Variants in WASF3 observed in about 807,000 individuals in gnomAD.
WASF3 encodes WASP family member 3.
A neutral mutation model predicts 46.6 loss-of-function variants in WASF3; 11 were observed. The observed-to-expected ratio is 0.24, with a 90% CI of 0.15 to 0.39. The LOEUF (loss-of-function observed/expected upper bound fraction) is 0.39. Ranked by LOEUF, WASF3 falls within the 10% of genes least tolerant of loss-of-function variation. WASF3 has a pLI of 1.00. For synonymous variants in WASF3, 242 were observed against 259.7 expected (o/e 0.93, Z 0.65); for missense variants, 576 against 669.8 (o/e 0.86, Z 1.55).
At chr13:26,623,037 C>T (rs1881355653) in intron 2 of WASF3, among the ~76,000 whole-genome samples, 1 of 152,162 alleles carries the variant, frequency 6.6e-6, no homozygotes, top group African/African-American at 2.4e-5. Flanking sequence ...TGAACTGTTT[C>T]ACATTTAGCA....
intron 3 of WASF3, among the ~76,000 whole-genome samples, chr13:26,650,864 A>G (rs1395804271): frequency 6.6e-6 from 1 of 152,208 alleles, no homozygotes; most frequent in Non-Finnish European, 1.5e-5. Context: ...AGCAACAACA[A>G]AATTTTAGAG....
At chr13:26,650,374 T>C (rs1020560403) in intron 3 of WASF3, among the ~76,000 whole-genome samples, 9 of 152,168 alleles carry the variant, frequency 5.9e-5, no homozygotes, top group Non-Finnish European at 1.5e-5. Flanking sequence ...TGGGATTCCT[T>C]TCACCTTGTT....
At chr13:26,650,116 A>G (rs919611322) in intron 3 of WASF3, among the ~76,000 whole-genome samples, 14 of 152,184 alleles carry the variant, frequency 9.2e-5, no homozygotes, top group African/African-American at 2.9e-4. Flanking sequence ...GCCTGCCCTC[A>G]AAAGAAATTA....
intron 2 of WASF3, chr13:26,638,277 A>G (rs1272079876): frequency 2.6e-5 from 4 of 152,248 alleles, no homozygotes; most frequent in Middle Eastern, 3.4e-3. Context: ...GCATAGTCCC[A>G]CCTCCAAATT....
chr13:26,597,761 C>T (rs545065337), intron 1 of WASF3, among the ~76,000 whole-genome samples: 1 of 152,188 alleles, frequency 6.6e-6, no homozygotes, highest in South Asian at 2.1e-4. Context: ...TGATAGTTTC[C>T]AGCTTCATCC....
At chr13:26,624,532 A>G (rs1002670002) in intron 2 of WASF3, among the ~76,000 whole-genome samples, 1 of 152,192 alleles carries the variant, frequency 6.6e-6, no homozygotes, top group Admixed American at 6.5e-5. Context: ...CTGTCCAGAA[A>G]AAAATACTAG....
At chr13:26,562,823 G>A (rs1176490427) in intron 1 of WASF3, among the ~76,000 whole-genome samples, 1 of 103,948 alleles carries the variant, frequency 9.6e-6, no homozygotes, top group African/African-American at 4.0e-5. Flanking sequence ...AGGGGCATCT[G>A]GTGTAGGCTG....
chr13:26,570,161 G>T (rs531746089), intron 1 of WASF3, among the ~76,000 whole-genome samples: 2 of 152,160 alleles, frequency 1.3e-5, no homozygotes, highest in South Asian at 4.2e-4. Flanking sequence ...CGTGGCAGGC[G>T]CCTGTAATTC....
At chr13:26,549,051 G>A in the WASF3 span, among the ~76,000 whole-genome samples, 34 of 150,058 alleles carry the variant, frequency 2.3e-4, 1 homozygote, top group Admixed American at 2.2e-3. Context: ...GCGTGATCTC[G>A]GCTCACTGCA....
chr13:26,551,918 A>T, the WASF3 span, among the ~76,000 whole-genome samples: 1 of 152,234 alleles, frequency 6.6e-6, no homozygotes, highest in Non-Finnish European at 1.5e-5. Context: ...GTGAAGACAC[A>T]GTGAAGGAAA....
At chr13:26,582,676 C>CAAAA (rs398022033) in intron 1 of WASF3, among the ~76,000 whole-genome samples, 1,198 of 53,208 alleles carry the variant, frequency 0.023, 200 homozygotes, top group Non-Finnish European at 0.03. Context: ...GACTCCGTCT[C>CAAAA]AAAAAAAAAA....
At chr13:26,564,009 C>A (rs1452714027) in intron 1 of WASF3, among the ~76,000 whole-genome samples, 1 of 152,220 alleles carries the variant, frequency 6.6e-6, no homozygotes, top group East Asian at 1.9e-4. Flanking sequence ...AAGATATCTT[C>A]TGTTGTGTTA....
At chr13:26,655,962 A>G (rs908969486) in intron 3 of WASF3, among the ~76,000 whole-genome samples, 6 of 152,076 alleles carry the variant, frequency 3.9e-5, no homozygotes, top group African/African-American at 1.4e-4. Context: ...CCCTGGAGTC[A>G]TTTTTCCAAG....
At chr13:26,603,258 A>G (rs905197656) in intron 1 of WASF3, among the ~76,000 whole-genome samples, 1 of 152,132 alleles carries the variant, frequency 6.6e-6, no homozygotes, top group Non-Finnish European at 1.5e-5. Context: ...GTTGGACTGT[A>G]GTTAATGTGA....
intron 2 of WASF3, among the ~76,000 whole-genome samples, chr13:26,623,810 T>C (rs1488900999): frequency 6.6e-6 from 1 of 152,184 alleles, no homozygotes; most frequent in Non-Finnish European, 1.5e-5. Context: ...TTGTGTCACC[T>C]TTGTGACATA....
At chr13:26,562,487 G>A (rs572258224) in intron 1 of WASF3, among the ~76,000 whole-genome samples, 2 of 152,240 alleles carry the variant, frequency 1.3e-5, no homozygotes, top group South Asian at 2.1e-4. Flanking sequence ...CAAGAAATTT[G>A]ATGCTGGTGG....
rs1593373375 is a variant in WASF3, at chr13:26,573,804, G to A, written c.-109+15985G>A. 2.0e-5 allele frequency among the ~76,000 whole-genome samples: 3 copies of A among 152,200 alleles called. No individual in the cohort carries two copies. The South Asian group carries it at 6.2e-4, about 32-fold the overall frequency. ...CAGACCATTCCCAGAACTTCAGAAG[G>A]CCCTCACATTCCCTTCATCTCATGC... On this transcript the variant is annotated intron_variant, in intron 1 of 9. Coordinates refer to ENST00000335327, the MANE Select transcript of WASF3 (RefSeq NM_006646.6).
At chr13:26,643,485 G>C (rs1433511850) in intron 3 of WASF3, among the ~76,000 whole-genome samples, 1 of 152,056 alleles carries the variant, frequency 6.6e-6, no homozygotes, top group Non-Finnish European at 1.5e-5. Flanking sequence ...AGTATGTAAA[G>C]AAATTACATA....
chr13:26,644,687 C>T (rs1023596418), intron 3 of WASF3, among the ~76,000 whole-genome samples: 1 of 152,146 alleles, frequency 6.6e-6, no homozygotes, highest in Non-Finnish European at 1.5e-5. Flanking sequence ...ATTTGCTAGT[C>T]TCTTATGAGA....
Sources: allele counts gnomAD v4.1 joint callset (sites outside exome capture counted in the v4.1 genomes callset), GRCh38; gene constraint gnomAD v4.1.1; transcripts MANE v1.5; gene names NCBI Gene and HGNC (gene_info 2026-07-23, HGNC 2026-07-21).